Variants in ADGRE1 observed in about 807,000 individuals in gnomAD.
The protein encoded by ADGRE1 is EGF-like module receptor 1.
ADGRE1 carries 82 observed loss-of-function variants against 102.7 expected under a neutral mutation model. That is an observed-to-expected ratio of 0.80 (90% CI 0.67 to 0.96). The LOEUF (loss-of-function observed/expected upper bound fraction) is 0.96. Ranked by LOEUF, ADGRE1 falls within the 40% of genes least tolerant of loss-of-function variation. The pLI, the probability that ADGRE1 is intolerant of heterozygous loss-of-function variation, is 0.00. For synonymous variants in ADGRE1, 398 were observed against 399.6 expected (o/e 1.00, Z 0.05); for missense variants, 1,032 against 1,085.3 (o/e 0.95, Z 0.69).
intron 13 of ADGRE1, among the ~76,000 whole-genome samples, chr19:6,921,305 C>G (rs1974656828): frequency 6.6e-6 from 1 of 152,082 alleles, no homozygotes; most frequent in Non-Finnish European, 1.5e-5. Flanking sequence ...ACCTGTAATC[C>G]CAGCTACTTG....
At chr19:6,911,388 T>A (rs1974172399) in intron 10 of ADGRE1, among the ~76,000 whole-genome samples, 1 of 142,652 alleles carries the variant, frequency 7.0e-6, no homozygotes. Flanking sequence ...CCTTTTAGTT[T>A]TTTTTTTTTT....
chr19:6,918,144 AAAG>A (rs1211523701), intron 12 of ADGRE1, among the ~76,000 whole-genome samples: 1 of 152,164 alleles, frequency 6.6e-6, no homozygotes, highest in Non-Finnish European at 1.5e-5. Context: ...GATGCAGATA[AAAG>A]AAGATGAGAG....
Position 6,921,825 on chromosome 19 carries a change from T to G in ADGRE1, c.1733T>G (p.Ile578Ser). 1.2e-6 allele frequency: 2 copies of G among 1,614,118 alleles called. No individual in the cohort carries two copies. Among genetic ancestry groups the G allele is most frequent in the Non-Finnish European group, 1.7e-6 (2 of 1,180,000 alleles). ...CTGGAAGCTTCTGAGACATATACCA[T>G]CTGCAGCTGTAATCAGATGGCAAAT... The part of the protein sequence containing the change: ...VILEASETYT[I>S]CSCNQMANLA... Residue 578 changes from isoleucine (I) to serine (S), a missense_variant, in exon 14 of 21, where the codon ATC becomes AGC. By Grantham distance (142) the Ile-to-Ser change is moderately radical. Transcript: ENST00000312053.
intron 3 of ADGRE1, chr19:6,896,775 C>CCTTA: frequency 2.3e-6 from 1 of 426,236 alleles, no homozygotes; most frequent in Non-Finnish European, 4.1e-6. Flanking sequence ...TGATTTTCTT[C>CCTTA]CTTCCTTCCT....
At chr19:6,896,119 T>G (rs1162284139) in intron 2 of ADGRE1, 1 of 340,652 alleles carries the variant, frequency 2.9e-6, no homozygotes, top group Non-Finnish European at 5.5e-6. Context: ...ACTGTCCCTG[T>G]GCATGTCTGT....
chr19:6,931,674 C>G (rs942616339), intron 17 of ADGRE1, among the ~76,000 whole-genome samples: 1 of 151,992 alleles, frequency 6.6e-6, no homozygotes, highest in African/African-American at 2.4e-5. Context: ...GTGGCAGGCA[C>G]CAATAGTCCC....
At chr19:6,899,936 C>CA (rs200596347) in intron 5 of ADGRE1, among the ~76,000 whole-genome samples, 1,626 of 148,618 alleles carry the variant, frequency 0.011, 26 homozygotes, top group African/African-American at 0.03. Context: ...ACTAAAAATA[C>CA]AAAAAAAAAT....
Position 6,903,958 on chromosome 19 carries a change from GA to G in ADGRE1, c.802+9del, listed in dbSNP as rs779974179. 1.9e-6 allele frequency: 3 copies of G among 1,614,068 alleles called. No homozygotes were observed. In the African/African-American group the frequency reaches 4.0e-5, roughly 22 times the overall value. On this transcript the variant is annotated intron_variant, in intron 7 of 20. Transcript: ENST00000312053. ...AAGGAGTGGAATGTAGAGGTGAGCA[GA>G]GAGTTTGATGGACAATCCAGAAAAG...
chr19:6,916,226 G>T (rs367723099), intron 11 of ADGRE1, 23 bp from the exon 12 acceptor site: 2 of 1,603,738 alleles, frequency 1.2e-6, no homozygotes, highest in Non-Finnish European at 1.7e-6. Context: ...GACCTCATAC[G>T]AACTCTCCCT....
intron 18 of ADGRE1, among the ~76,000 whole-genome samples, chr19:6,935,401 A>G (rs959849645): frequency 7.9e-5 from 12 of 152,190 alleles, no homozygotes; most frequent in Non-Finnish European, 1.6e-4. Flanking sequence ...CATATACTAC[A>G]ACTCTTAATA....
At position 6,913,637 on chromosome 19, in the gene ADGRE1, A is replaced by G. The variant is rs111675492; in HGVS notation, c.1123-16A>G. The G allele has an allele frequency of 1.3e-6, 2 of 1,559,530 alleles. No homozygotes were observed. The highest frequency in any genetic ancestry group is 8.7e-7 in the Non-Finnish European group (1 of 1,148,516). ...AGAGAGAGAGAGAGAATGAACAAAC[A>G]CATCTTTCCTTGCAGAATACAACTG... On this transcript the variant is annotated splice_polypyrimidine_tract_variant and intron_variant, in intron 10 of 20. Transcript: ENST00000312053.
chr19:6,908,762 T>C lies in ADGRE1; in HGVS notation c.1112T>C (p.Val371Ala), dbSNP rs748058907. The change falls in exon 10 of 21, where the codon GTT becomes GCT. Residue 371 changes from valine to alanine, a missense_variant. Coordinates refer to ENST00000312053, the MANE Select transcript of ADGRE1 (RefSeq NM_001974.5). ...GTGTGTGAAAATAAAACGACCGTAG[T>C]TTCTCTGAAGGTAACGATTGGGTCT... ...DKVCENKTTV[V>A]SLKNTTESFV... is the part of the protein sequence containing the mutation. The C allele has an allele frequency of 6.2e-7, 1 of 1,609,456 alleles. No individual in the cohort carries two copies. Among genetic ancestry groups the C allele is most frequent in the Non-Finnish European group, 8.5e-7 (1 of 1,178,896 alleles).
intron 12 of ADGRE1, among the ~76,000 whole-genome samples, chr19:6,919,220 A>G (rs1044316930): frequency 1.9e-4 from 29 of 151,538 alleles, no homozygotes; most frequent in African/African-American, 7.0e-4. Flanking sequence ...TTTAGTAGAA[A>G]CGGGGTTTCA....
At chr19:6,933,824 G>A (rs927047398) in intron 17 of ADGRE1, among the ~76,000 whole-genome samples, 1 of 152,134 alleles carries the variant, frequency 6.6e-6, no homozygotes, top group African/African-American at 2.4e-5. Flanking sequence ...CACCAAGAAT[G>A]CTCTGACCCA....
rs1374809784 is a variant in ADGRE1 at position 6,933,683 on chromosome 19, G to A, written c.2290-1304G>A. 4.6e-5 allele frequency among the ~76,000 whole-genome samples: 7 copies of A among 152,216 alleles called. No individual in the cohort carries two copies. In the South Asian group the frequency reaches 8.3e-4, roughly 18 times the overall value. Reference sequence around the variant, plus strand: ...ATTACAGGCATGAGCCACCGCTCCCGACCAGAAGACATTTTTGGTTGTTAC... The same window carrying A: ...ATTACAGGCATGAGCCACCGCTCCCAACCAGAAGACATTTTTGGTTGTTAC... On this transcript the variant is annotated intron_variant, in intron 17 of 20. Coordinates refer to ENST00000312053, the MANE Select transcript of ADGRE1 (RefSeq NM_001974.5).
intron 8 of ADGRE1, among the ~76,000 whole-genome samples, chr19:6,905,025 A>T (rs1459104152): frequency 1.3e-5 from 2 of 152,012 alleles, no homozygotes; most frequent in East Asian, 3.9e-4. Context: ...CAGAGGTCAG[A>T]TTCTGCAGGG....
In ADGRE1 at chr19:6,926,528, G is replaced by A. The variant is rs775969224; in HGVS notation, c.2149G>A (p.Gly717Ser). ...CAAGATGCTGCACATCTGTGCCTTT[G>A]GTTATGGGCTGCCGATGCTGGTGGT... ...NIKMLHICAF[G>S]YGLPMLVVVI... Residue 717 changes from glycine to serine, a missense_variant, in exon 16 of 21, where the codon GGT becomes AGT. By Grantham distance (56) the Gly-to-Ser change is moderately conservative (BLOSUM62 0). Coordinates refer to ENST00000312053, the MANE Select transcript of ADGRE1 (RefSeq NM_001974.5). The A allele has an allele frequency of 2.5e-6, 4 of 1,614,118 alleles. No individual in the cohort carries two copies. The East Asian group carries it at 8.9e-5, about 36-fold the overall frequency.
Position 6,926,412 on chromosome 19 carries a change from C to T in ADGRE1, c.2033C>T (p.Ala678Val). The change falls in exon 16 of 21, where the codon GCC becomes GTC. Residue 678 changes from alanine to valine, a missense_variant. Physicochemically the swap from Ala to Val is moderately conservative, Grantham distance 64 (BLOSUM62 0). Coordinates refer to ENST00000312053, the MANE Select transcript of ADGRE1 (RefSeq NM_001974.5). ...IAGFLHYLFL[A>V]CFFWMLVEAV... Reference sequence around the variant, plus strand: ...GGCTTCCTGCACTACCTTTTCCTTGCCTGCTTCTTCTGGATGCTGGTGGAG... The same window carrying T: ...GGCTTCCTGCACTACCTTTTCCTTGTCTGCTTCTTCTGGATGCTGGTGGAG... 6.2e-7 allele frequency: 1 copy of T among 1,614,250 alleles called. No individual in the cohort carries two copies. The highest frequency in any genetic ancestry group is 8.5e-7 in the Non-Finnish European group (1 of 1,180,054).
intron 16 of ADGRE1, among the ~76,000 whole-genome samples, chr19:6,927,258 C>CT (rs1432551395): frequency 2.1e-5 from 3 of 142,784 alleles, no homozygotes; most frequent in Non-Finnish European, 3.1e-5. Flanking sequence ...CCCTCCCTCC[C>CT]TCCCTTCCTT....
Sources: allele counts gnomAD v4.1 joint callset (sites outside exome capture counted in the v4.1 genomes callset), GRCh38; gene constraint gnomAD v4.1.1; transcripts MANE v1.5; gene names NCBI Gene and HGNC (gene_info 2026-07-23, HGNC 2026-07-21).